Variants in CHLSN observed in about 807,000 individuals in gnomAD.
The protein encoded by CHLSN is cholesin, also known as protein cholesin.
chr7:988,755 C>T, the CHLSN span: 19 of 1,598,874 alleles, frequency 1.2e-5, no homozygotes, highest in Non-Finnish European at 1.6e-5. Flanking sequence ...TCCCTGGACA[C>T]CACGCCCGCC....
chr7:993,864 A>T, the CHLSN span, among the ~76,000 whole-genome samples: 1 of 149,432 alleles, frequency 6.7e-6, no homozygotes, highest in African/African-American at 2.4e-5. Context: ...CTCTTGGTGG[A>T]GTGAGCAGAC....
chr7:1,102,628 G>A, the CHLSN span, among the ~76,000 whole-genome samples: 1 of 151,970 alleles, frequency 6.6e-6, no homozygotes, highest in African/African-American at 2.4e-5. Context: ...AGCTTTAAGA[G>A]AGAAAGGAAG....
At chr7:980,762 A>C in the CHLSN span, among the ~76,000 whole-genome samples, 4 of 141,506 alleles carry the variant, frequency 2.8e-5, no homozygotes, top group Admixed American at 2.3e-4. Context: ...ATCTCAGCTC[A>C]CTGCAAGCTC....
At chr7:1,017,754 G>A in the CHLSN span, among the ~76,000 whole-genome samples, 4 of 152,160 alleles carry the variant, frequency 2.6e-5, no homozygotes, top group Admixed American at 1.3e-4. Context: ...CGCGGACGGC[G>A]GGGAAGGGGC....
chr7:1,100,982 A>G, the CHLSN span, among the ~76,000 whole-genome samples: 2 of 152,056 alleles, frequency 1.3e-5, no homozygotes, highest in Non-Finnish European at 2.9e-5. Flanking sequence ...AGGCCCTTCC[A>G]CCGCAGGCAC....
the CHLSN span, among the ~76,000 whole-genome samples, chr7:1,117,429 G>A: frequency 9.2e-5 from 11 of 119,746 alleles, no homozygotes; most frequent in Non-Finnish European, 1.3e-4. Flanking sequence ...TCTACGGACC[G>A]GCTTCCATCA....
the CHLSN span, among the ~76,000 whole-genome samples, chr7:1,048,473 G>C: frequency 6.6e-6 from 1 of 152,044 alleles, no homozygotes; most frequent in Non-Finnish European, 1.5e-5. Context: ...TGCCTCTCAG[G>C]TTGAGAGGGG....
At chr7:1,106,676 A>G in the CHLSN span, among the ~76,000 whole-genome samples, 2 of 152,254 alleles carry the variant, frequency 1.3e-5, no homozygotes, top group Admixed American at 6.5e-5. Context: ...TTTCAAAGGT[A>G]GACAAGACAG....
the CHLSN span, among the ~76,000 whole-genome samples, chr7:1,100,654 A>G: frequency 6.6e-6 from 1 of 152,052 alleles, no homozygotes; most frequent in South Asian, 2.1e-4. Flanking sequence ...ACCCAGCTCT[A>G]GCGGAAACAA....
At chr7:983,502 G>T in the CHLSN span, 1 of 1,094,514 alleles carries the variant, frequency 9.1e-7, no homozygotes, top group African/African-American at 1.6e-5. Flanking sequence ...GCCGGGCCCA[G>T]CGGGGCACGC....
the CHLSN span, among the ~76,000 whole-genome samples, chr7:1,071,009 C>T: frequency 4.0e-5 from 6 of 150,494 alleles, no homozygotes; most frequent in Non-Finnish European, 7.4e-5. Context: ...TGCACACGCA[C>T]ATGCACACAC....
the CHLSN span, among the ~76,000 whole-genome samples, chr7:1,117,677 G>GGAT: frequency 2.3e-5 from 3 of 128,676 alleles, no homozygotes; most frequent in African/African-American, 5.9e-5. Context: ...CGCCCATGCA[G>GGAT]GATGACATCA....
chr7:1,137,312 T>TA, the CHLSN span: 1 of 152,500 alleles, frequency 6.6e-6, no homozygotes, highest in Non-Finnish European at 1.5e-5. Flanking sequence ...CCATGGCACT[T>TA]ACCATCACCT....
the CHLSN span, chr7:987,635 C>A: frequency 1.8e-6 from 2 of 1,137,716 alleles, no homozygotes; most frequent in Non-Finnish European, 2.4e-6. Context: ...GCCTGATGGC[C>A]CAGCGCTCCC....
At chr7:1,066,203 C>A in the CHLSN span, among the ~76,000 whole-genome samples, 13 of 152,366 alleles carry the variant, frequency 8.5e-5, no homozygotes, top group South Asian at 1.7e-3. Context: ...AAAGCCCACC[C>A]TCCCCCAGAA....
chr7:1,056,824 A>G, the CHLSN span: 2 of 119,830 alleles, frequency 1.7e-5, no homozygotes. Context: ...GCTTCCCGAG[A>G]TAGCTGTAGG....
chr7:1,017,486 C>T, the CHLSN span, among the ~76,000 whole-genome samples: 1 of 152,250 alleles, frequency 6.6e-6, no homozygotes, highest in Non-Finnish European at 1.5e-5. Flanking sequence ...AGCCGGGTGA[C>T]GGGGCCAGGG....
chr7:1,058,164 G>A, the CHLSN span: 5 of 738,950 alleles, frequency 6.8e-6, no homozygotes, highest in Non-Finnish European at 9.9e-6. Context: ...CCGCAGGGAG[G>A]ACACGCCCCT....
chr7:1,115,686 C>T, the CHLSN span, among the ~76,000 whole-genome samples: 1 of 128,154 alleles, frequency 7.8e-6, no homozygotes, highest in Non-Finnish European at 1.7e-5. Flanking sequence ...ATCACCAACG[C>T]CCACGCAGGA....
Sources: gnomAD v4.1 joint callset for allele counts (sites outside exome capture counted in the v4.1 genomes callset) on GRCh38, gnomAD v4.1.1 for gene constraint, MANE v1.5 for transcripts, NCBI Gene and HGNC (gene_info 2026-07-23, HGNC 2026-07-21) for gene names.